Variants in SPATS2L observed in about 807,000 individuals in gnomAD.
SPATS2L encodes spermatogenesis associated serine rich 2 like.
Under a neutral mutation model 59.6 loss-of-function variants are expected in SPATS2L, and 30 were observed. The observed-to-expected ratio is 0.50, with a 90% CI of 0.38 to 0.68. The LOEUF (loss-of-function observed/expected upper bound fraction) is 0.68. Ranked by LOEUF, SPATS2L falls within the 30% of genes least tolerant of loss-of-function variation. SPATS2L has a pLI of 0.00. For missense variants in SPATS2L, 615 were observed against 700.0 expected (o/e 0.88, Z 1.37); for synonymous variants, 252 against 263.5 (o/e 0.96, Z 0.42).
intron 1 of SPATS2L, among the ~76,000 whole-genome samples, chr2:200,310,238 A>G (rs927702325): frequency 6.6e-6 from 1 of 152,188 alleles, no homozygotes; most frequent in Non-Finnish European, 1.5e-5. Flanking sequence ...TTTTATGATG[A>G]AAAGACTTTC....
chr2:200,400,161 A>G (rs1023536234), intron 3 of SPATS2L, among the ~76,000 whole-genome samples: 16 of 129,578 alleles, frequency 1.2e-4, no homozygotes, highest in African/African-American at 4.3e-4. Flanking sequence ...CCTTGAATGA[A>G]GATAACATTT....
intron 1 of SPATS2L, among the ~76,000 whole-genome samples, chr2:200,315,854 T>G (rs1362553415): frequency 6.9e-5 from 2 of 29,040 alleles, no homozygotes; most frequent in Non-Finnish European, 1.6e-4. Flanking sequence ...TCACCAAAAA[T>G]CCAAAAAAAA....
intron 2 of SPATS2L, among the ~76,000 whole-genome samples, chr2:200,388,528 C>T (rs1031954125): frequency 9.2e-5 from 14 of 151,630 alleles, no homozygotes; most frequent in African/African-American, 2.4e-4. Context: ...ACTGCGATCA[C>T]GCCACTGCAT....
At chr2:200,448,964 G>A (rs993933877) in intron 8 of SPATS2L, among the ~76,000 whole-genome samples, 14 of 152,088 alleles carry the variant, frequency 9.2e-5, no homozygotes, top group Non-Finnish European at 4.4e-5. Flanking sequence ...CCAATAAACC[G>A]AAATAAGCTC....
chr2:200,416,607 G>A (rs749708770), intron 5 of SPATS2L, among the ~76,000 whole-genome samples, 179 bp downstream of exon 5: 14 of 152,108 alleles, frequency 9.2e-5, no homozygotes, highest in Non-Finnish European at 1.9e-4. Flanking sequence ...ACTCTCACTA[G>A]TAATGCCCTT....
intron 8 of SPATS2L, among the ~76,000 whole-genome samples, chr2:200,453,252 G>A (rs62279305): frequency 4.6e-5 from 7 of 152,208 alleles, no homozygotes; most frequent in South Asian, 4.1e-4. Flanking sequence ...AGGAAGAGCC[G>A]GGAATTGGCA....
Position 200,413,106 on chromosome 2 carries a change from G to A in SPATS2L, c.148+687G>A, listed in dbSNP as rs181134868. On this transcript the variant is annotated intron_variant, in intron 4 of 12. Coordinates refer to ENST00000409140, the MANE Select transcript of SPATS2L (RefSeq NM_001100423.2). ...TTTATTTGATACCATTCTTATGAAT[G>A]GAGGATAATGTATTTTGGTCCTTAT... Among the ~76,000 whole-genome samples, 1,070 of 152,250 alleles carry A rather than the reference G, an allele frequency of 7.0e-3. 14 individuals are homozygous for A. Among genetic ancestry groups the A allele is most frequent in the African/African-American group, 0.023 (957 of 41,544 alleles).
At chr2:200,402,304 G>A (rs1217146477) in intron 3 of SPATS2L, among the ~76,000 whole-genome samples, 1 of 152,178 alleles carries the variant, frequency 6.6e-6, no homozygotes, top group Non-Finnish European at 1.5e-5. Context: ...AAGTCTTCCA[G>A]GGCCTTGCCC....
intron 3 of SPATS2L, among the ~76,000 whole-genome samples, chr2:200,391,372 C>T (rs567316877): frequency 6.6e-6 from 1 of 152,266 alleles, no homozygotes; most frequent in South Asian, 2.1e-4. Context: ...ATTACTGCAG[C>T]ATGTTTGTTT....
At chr2:200,457,910 A>T (rs890483926) in intron 8 of SPATS2L, among the ~76,000 whole-genome samples, 1 of 152,248 alleles carries the variant, frequency 6.6e-6, no homozygotes, top group African/African-American at 2.4e-5. Flanking sequence ...TTAAATTGCA[A>T]AAGTACATCT....
chr2:200,392,716 A>G (rs2082208981), intron 3 of SPATS2L, among the ~76,000 whole-genome samples: 1 of 152,144 alleles, frequency 6.6e-6, no homozygotes, highest in Non-Finnish European at 1.5e-5. Flanking sequence ...TTGTGCTGGT[A>G]TCTGAAGTGG....
chr2:200,477,558 A>T, intron 12 of SPATS2L, 78 bp from the exon 13 acceptor site: 10 of 703,248 alleles, frequency 1.4e-5, no homozygotes, highest in African/African-American at 2.2e-5. Context: ...TGGCTTAGAG[A>T]TTTGGTTTTC....
At chr2:200,370,084 G>T (rs2081382611) in intron 2 of SPATS2L, among the ~76,000 whole-genome samples, 1 of 152,192 alleles carries the variant, frequency 6.6e-6, no homozygotes, top group Non-Finnish European at 1.5e-5. Flanking sequence ...CACATGCCTT[G>T]CTCACCTGTG....
In SPATS2L at chr2:200,307,037, C is replaced by T. The variant is rs940370265; in HGVS notation, c.-73+115C>T. On this transcript the variant is annotated intron_variant, in intron 1 of 12. Coordinates refer to ENST00000409140, the MANE Select transcript of SPATS2L (RefSeq NM_001100423.2). ...CGGCTGGGCCGAGCATTCCGCAGCC[C>T]GGGCCGCCCAGCCTCCGCCGCCTCC... 2.3e-4 allele frequency: 207 copies of T among 896,008 alleles called. 1 individual carries two copies. The highest frequency in any genetic ancestry group is 2.7e-4 in the Non-Finnish European group (200 of 749,318). 55.5% of individuals were successfully genotyped at this position (896,008 alleles called of 1,614,324 possible).
intron 2 of SPATS2L, among the ~76,000 whole-genome samples, chr2:200,383,391 A>G (rs2081888097): frequency 6.6e-6 from 1 of 152,242 alleles, no homozygotes; most frequent in Non-Finnish European, 1.5e-5. Flanking sequence ...TTAATGAGAC[A>G]GCTTATATTC....
intron 2 of SPATS2L, among the ~76,000 whole-genome samples, chr2:200,381,175 C>T (rs2081797647): frequency 6.6e-6 from 1 of 152,146 alleles, no homozygotes; most frequent in South Asian, 2.1e-4. Flanking sequence ...CATTTGTTTC[C>T]CTCTTCAGCT....
At chr2:200,349,387 G>C (rs879548075) in intron 2 of SPATS2L, among the ~76,000 whole-genome samples, 1 of 152,240 alleles carries the variant, frequency 6.6e-6, no homozygotes, top group Non-Finnish European at 1.5e-5. Flanking sequence ...TGCAATCCCA[G>C]CACTTTGGGA....
rs563554426 is a variant in SPATS2L, at chr2:200,432,081, G to T, written c.446-7041G>T. Among the ~76,000 whole-genome samples the T allele has an allele frequency of 1.1e-4, 17 of 152,290 alleles. No individual in the cohort carries two copies. The East Asian group carries it at 3.1e-3, about 28-fold the overall frequency. On this transcript the variant is annotated intron_variant, in intron 6 of 12. Coordinates refer to ENST00000409140, the MANE Select transcript of SPATS2L (RefSeq NM_001100423.2). ...TCAAGAGAAAGAAAGGCATGAATTT[G>T]TATTGACTTCATAACAAATTCCCTT...
intron 2 of SPATS2L, among the ~76,000 whole-genome samples, chr2:200,342,661 A>G (rs1357526609): frequency 1.3e-5 from 2 of 152,198 alleles, no homozygotes; most frequent in African/African-American, 4.8e-5. Context: ...TAGAAATTTG[A>G]GTTTTTCCTG....
Sources: gnomAD v4.1 joint callset for allele counts (sites outside exome capture counted in the v4.1 genomes callset) on GRCh38, gnomAD v4.1.1 for gene constraint, MANE v1.5 for transcripts, NCBI Gene and HGNC (gene_info 2026-07-23, HGNC 2026-07-21) for gene names.